DPP10: variants seen among roughly 807,000 people sequenced by gnomAD.
DPP10 encodes inactive dipeptidyl peptidase 10.
DPP10 carries 33 observed loss-of-function variants against 120.9 expected under a neutral mutation model. The ratio of observed to expected loss-of-function variants is 0.27; its 90% confidence interval spans 0.21 to 0.37. The LOEUF is 0.37. Ranked by LOEUF, DPP10 falls within the 10% of genes least tolerant of loss-of-function variation. The pLI, the probability that DPP10 is intolerant of heterozygous loss-of-function variation, is 1.00. For missense variants in DPP10, 816 were observed against 942.8 expected (o/e 0.87, Z 1.76); for synonymous variants, 337 against 326.1 (o/e 1.03, Z -0.36).
At chr2:114,929,651 T>G (rs2104489355) in intron 1 of DPP10, among the ~76,000 whole-genome samples, 1 of 152,332 alleles carries the variant, frequency 6.6e-6, no homozygotes, top group South Asian at 2.1e-4. Context: ...CTGTTCTTTT[T>G]TAGGATGCCC....
chr2:114,461,896 G>C, intron 1 of DPP10: 1 of 985,432 alleles, frequency 1.0e-6, no homozygotes, highest in Non-Finnish European at 1.2e-6. Flanking sequence ...GAGAGAGGGA[G>C]GGAGATGAGA....
chr2:115,389,260 TAAACACACACACACAC>T (rs1052491423), intron 3 of DPP10, among the ~76,000 whole-genome samples: 7 of 117,576 alleles, frequency 6.0e-5, no homozygotes, highest in African/African-American at 2.3e-4. Flanking sequence ...ATGCTTTTAC[TAAACACACACACACAC>T]AAACACACAC....
At chr2:114,975,594 A>G (rs886735368) in intron 1 of DPP10, among the ~76,000 whole-genome samples, 3 of 152,120 alleles carry the variant, frequency 2.0e-5, no homozygotes, top group Non-Finnish European at 4.4e-5. Flanking sequence ...TGTGCTTATT[A>G]TTTCTATCTT....
At chr2:115,513,079 T>C (rs1210970326) in intron 4 of DPP10, among the ~76,000 whole-genome samples, 1 of 152,002 alleles carries the variant, frequency 6.6e-6, no homozygotes, top group Non-Finnish European at 1.5e-5. Context: ...TGCATACATA[T>C]TTATAATTGT....
chr2:115,523,588 A>G (rs564918493), intron 4 of DPP10, among the ~76,000 whole-genome samples: 2 of 152,186 alleles, frequency 1.3e-5, no homozygotes, highest in Non-Finnish European at 2.9e-5. Flanking sequence ...CAGTCTTTAC[A>G]TAACAGCGTA....
chr2:115,478,494 G>A (rs902591570), intron 3 of DPP10, among the ~76,000 whole-genome samples: 1 of 152,128 alleles, frequency 6.6e-6, no homozygotes, highest in Non-Finnish European at 1.5e-5. Flanking sequence ...TTTGGGTTTG[G>A]CAGTAATATT....
chr2:115,453,999 T>C (rs1333699692), intron 3 of DPP10, among the ~76,000 whole-genome samples: 4 of 151,540 alleles, frequency 2.6e-5, no homozygotes, highest in East Asian at 3.9e-4. Flanking sequence ...GATAAAGTCA[T>C]GGAAGGACCC....
At chr2:115,388,952 C>G (rs185666334) in intron 3 of DPP10, among the ~76,000 whole-genome samples, 1 of 152,060 alleles carries the variant, frequency 6.6e-6, no homozygotes, top group Non-Finnish European at 1.5e-5. Context: ...AAGCTTGGTT[C>G]AAGAGCTGCC....
intron 4 of DPP10, among the ~76,000 whole-genome samples, chr2:115,525,688 G>C (rs1202463393): frequency 6.6e-6 from 1 of 151,828 alleles, no homozygotes; most frequent in Non-Finnish European, 1.5e-5. Flanking sequence ...TAGCAAACCT[G>C]TTCTTACTGA....
intron 1 of DPP10, among the ~76,000 whole-genome samples, chr2:114,832,704 C>G (rs1357002694): frequency 6.6e-6 from 1 of 151,942 alleles, no homozygotes; most frequent in Non-Finnish European, 1.5e-5. Flanking sequence ...ATAGCCCAAA[C>G]AAATATTTGA....
chr2:114,639,961 GATT>G (rs1441167940), intron 1 of DPP10, among the ~76,000 whole-genome samples: 2 of 151,698 alleles, frequency 1.3e-5, no homozygotes, highest in African/African-American at 4.9e-5. Context: ...GATTTTCTTT[GATT>G]TTTTTTGTTC....
chr2:115,165,175 T>G (rs186556518), intron 1 of DPP10, among the ~76,000 whole-genome samples: 90 of 152,346 alleles, frequency 5.9e-4, no homozygotes, highest in Non-Finnish European at 1.5e-5. Flanking sequence ...CAGAGTACTA[T>G]TCTTAGGGTT....
intron 1 of DPP10, among the ~76,000 whole-genome samples, chr2:115,133,731 A>C (rs1204797732): frequency 6.6e-6 from 1 of 152,140 alleles, no homozygotes; most frequent in Non-Finnish European, 1.5e-5. Flanking sequence ...AACAATCTAC[A>C]GTCTTTAAGA....
At position 115,490,451 on chromosome 2, in the gene DPP10, A is replaced by G. The variant is rs149177413; in HGVS notation, c.272-9059A>G. On this transcript the variant is annotated intron_variant, in intron 3 of 25. Coordinates refer to ENST00000410059, the MANE Select transcript of DPP10 (RefSeq NM_020868.6). The stretch of plus-strand genomic sequence containing the variant: ...ACACATGGGGATTATAAGGATTACA[A>G]TTCAAGATGAGATTTGGGTGGGGAC... Among the ~76,000 whole-genome samples, 1,399 of 152,206 alleles carry G rather than the reference A, an allele frequency of 9.2e-3. 14 individuals carry two copies. Among genetic ancestry groups the G allele is most frequent in the African/African-American group, 0.03 (1,265 of 41,536 alleles).
At chr2:114,518,751 C>T (rs1684810412) in intron 1 of DPP10, among the ~76,000 whole-genome samples, 1 of 152,180 alleles carries the variant, frequency 6.6e-6, no homozygotes, top group Admixed American at 6.5e-5. Flanking sequence ...GTGCACATTA[C>T]AGTTTGAAAA....
intron 1 of DPP10, among the ~76,000 whole-genome samples, chr2:114,967,470 C>A (rs1480562453): frequency 6.6e-6 from 1 of 152,000 alleles, no homozygotes; most frequent in Non-Finnish European, 1.5e-5. Context: ...GGAAGACTGG[C>A]ATAGAGGGTT....
At chr2:115,687,520 T>TAGAC (rs2091064113) in intron 5 of DPP10, among the ~76,000 whole-genome samples, 1 of 151,866 alleles carries the variant, frequency 6.6e-6, no homozygotes, top group South Asian at 2.1e-4. Context: ...GATAGATAGA[T>TAGAC]AGATAGATAT....
chr2:114,586,309 G>T lies in DPP10; in HGVS notation c.60+143471G>T, dbSNP rs141325271. Among the ~76,000 whole-genome samples the T allele has an allele frequency of 2.5e-3, 385 of 152,202 alleles. 3 individuals are homozygous for T. Among genetic ancestry groups the T allele is most frequent in the African/African-American group, 8.9e-3 (368 of 41,526 alleles). On this transcript the variant is annotated intron_variant, in intron 1 of 25. Coordinates refer to ENST00000410059, the MANE Select transcript of DPP10 (RefSeq NM_020868.6). ...AATACCCACATTGTTTTATTAACTTGCTATAAGCTCTTGCCCCACATCAAC... is the reference window on the plus strand; with the variant it reads ...AATACCCACATTGTTTTATTAACTTTCTATAAGCTCTTGCCCCACATCAAC...
intron 1 of DPP10, among the ~76,000 whole-genome samples, chr2:114,947,967 A>C (rs2104618897): frequency 6.6e-6 from 1 of 152,098 alleles, no homozygotes; most frequent in Non-Finnish European, 1.5e-5. Flanking sequence ...TTAATCTAAG[A>C]TCTTATAGCT....
Sources: gnomAD v4.1 joint callset for allele counts (sites outside exome capture counted in the v4.1 genomes callset) on GRCh38, gnomAD v4.1.1 for gene constraint, MANE v1.5 for transcripts, NCBI Gene and HGNC (gene_info 2026-07-23, HGNC 2026-07-21) for gene names.